MAP1LC3B2: variants seen among roughly 807,000 people sequenced by gnomAD.
MAP1LC3B2 encodes the protein microtubule-associated protein 1 light chain 3 beta 2.
For missense variants in MAP1LC3B2, 155 were observed against 154.6 expected, an observed-to-expected ratio of 1.00 and a Z score of -0.01; for synonymous variants, 62 against 57.8, an observed-to-expected ratio of 1.07 and a Z score of -0.33.
At chr12:116,561,102 G>A (rs900660880) in intron 1 of MAP1LC3B2, among the ~76,000 whole-genome samples, 4 of 152,078 alleles carry the variant, frequency 2.6e-5, no homozygotes, top group African/African-American at 9.7e-5. Flanking sequence ...GGGCAACAGA[G>A]CACGACTCCA....
Position 116,576,263 on chromosome 12 carries a change from A to G in MAP1LC3B2, c.321A>G (p.Gly107=), listed in dbSNP as rs1465308732. 1 of 1,614,144 alleles carries G rather than the reference A, an allele frequency of 6.2e-7. No individual in the cohort carries two copies. Among genetic ancestry groups the G allele is most frequent in the South Asian group, 1.1e-5 (1 of 91,080 alleles). ...ATGAGAGTGAGAAAGATGAAGATGG[A>G]TTCCTGTACATGGTCTGTGCCTCCC... is the stretch of plus-strand genomic sequence containing the variant. ...EVYESEKDED[G]FLYMVCASQE... is the part of the protein sequence containing the mutation. Residue 107 remains glycine, a synonymous_variant, in exon 2 of 2, where the codon GGA becomes GGG. Coordinates refer to ENST00000556529, the MANE Select transcript of MAP1LC3B2 (RefSeq NM_001085481.3).
At chr12:116,559,695 C>A (rs1227932471) in intron 1 of MAP1LC3B2, among the ~76,000 whole-genome samples, 2 of 152,138 alleles carry the variant, frequency 1.3e-5, no homozygotes, top group Non-Finnish European at 2.9e-5. Flanking sequence ...AGGGCAGAGT[C>A]CTTTCCAGAA....
chr12:116,560,139 C>T (rs1226294809), intron 1 of MAP1LC3B2: 2 of 146,866 alleles, frequency 1.4e-5, no homozygotes, highest in Non-Finnish European at 3.0e-5. Flanking sequence ...CTCCTGATCT[C>T]TCTCCACTCC....
chr12:116,563,241 G>A (rs1869313829), intron 1 of MAP1LC3B2, among the ~76,000 whole-genome samples: 1 of 152,194 alleles, frequency 6.6e-6, no homozygotes, highest in Non-Finnish European at 1.5e-5. Context: ...TTACAGGCAT[G>A]AGCCACCACA....
At chr12:116,568,906 G>A (rs1266569016) in intron 1 of MAP1LC3B2, among the ~76,000 whole-genome samples, 1 of 142,476 alleles carries the variant, frequency 7.0e-6, no homozygotes, top group Non-Finnish European at 1.5e-5. Context: ...TGTCTCCCAG[G>A]CTGGAGTGCA....
intron 1 of MAP1LC3B2, among the ~76,000 whole-genome samples, chr12:116,575,180 CAAA>C (rs112848522): frequency 5.1e-5 from 3 of 59,008 alleles, no homozygotes; most frequent in Middle Eastern, 9.8e-3. Context: ...AACTCAGTCT[CAAA>C]AAAAAAAAAA....
chr12:116,566,930 CAAAAAAAAAAAAAAAAAAAAAAAA>C (rs56405000), intron 1 of MAP1LC3B2, among the ~76,000 whole-genome samples: 40 of 26,762 alleles, frequency 1.5e-3, no homozygotes, highest in Admixed American at 0.01. Context: ...GACTCTGTCT[CAAAAAAAAAAAAAAAAAAAAAAAA>C]AAAAAAAAAA....
At chr12:116,575,443 T>C (rs942455144) in intron 1 of MAP1LC3B2, among the ~76,000 whole-genome samples, 1 of 152,162 alleles carries the variant, frequency 6.6e-6, no homozygotes, top group Admixed American at 6.5e-5. Context: ...ATAATTCAAA[T>C]GATCAGTATC....
intron 1 of MAP1LC3B2, chr12:116,560,216 AT>A (rs1566022568): frequency 7.0e-5 from 5 of 70,994 alleles, no homozygotes; most frequent in Non-Finnish European, 1.5e-4. Flanking sequence ...ATATATATAT[AT>A]ATATATATAT....
At chr12:116,572,065 G>T (rs907803331) in intron 1 of MAP1LC3B2, among the ~76,000 whole-genome samples, 1 of 151,662 alleles carries the variant, frequency 6.6e-6, no homozygotes, top group Non-Finnish European at 1.5e-5. Flanking sequence ...AATTTCTGCC[G>T]CTAAGAAAAT....
At chr12:116,563,380 T>C (rs911693744) in intron 1 of MAP1LC3B2, among the ~76,000 whole-genome samples, 2 of 152,236 alleles carry the variant, frequency 1.3e-5, no homozygotes, top group Admixed American at 6.5e-5. Context: ...ACACAGACTT[T>C]TGGTTGACAG....
At chr12:116,571,096 C>T (rs1217981795) in intron 1 of MAP1LC3B2, among the ~76,000 whole-genome samples, 1 of 152,166 alleles carries the variant, frequency 6.6e-6, no homozygotes, top group Non-Finnish European at 1.5e-5. Flanking sequence ...CTTAAAGCTG[C>T]AATTCTGTAA....
At chr12:116,573,621 A>G (rs1249051946) in intron 1 of MAP1LC3B2, among the ~76,000 whole-genome samples, 3 of 152,020 alleles carry the variant, frequency 2.0e-5, no homozygotes. Context: ...GATTCAAGCA[A>G]TTCTCCTGCC....
chr12:116,573,077 C>T (rs1592869414), intron 1 of MAP1LC3B2, among the ~76,000 whole-genome samples: 1 of 152,104 alleles, frequency 6.6e-6, no homozygotes, highest in Non-Finnish European at 1.5e-5. Context: ...GCACGTGCCA[C>T]AATGCCCAGC....
At chr12:116,561,737 C>T (rs59781371) in intron 1 of MAP1LC3B2, among the ~76,000 whole-genome samples, 3,283 of 152,316 alleles carry the variant, frequency 0.022, 109 homozygotes, top group African/African-American at 0.068. Flanking sequence ...GGTATTTACC[C>T]TCCCTGGGCC....
In MAP1LC3B2 at chr12:116,568,639, G is replaced by A. The variant is rs1276474987; in HGVS notation, c.-101-7203G>A. On this transcript the variant is annotated intron_variant, in intron 1 of 1. Coordinates refer to ENST00000556529, the MANE Select transcript of MAP1LC3B2 (RefSeq NM_001085481.3). The stretch of plus-strand genomic sequence containing the variant: ...TGGTATTTGGATGTGGGGCCTTTAG[G>A]AGGTAATTAGGATTAGATAAAGTCA... Among the ~76,000 whole-genome samples the A allele has an allele frequency of 3.9e-5, 6 of 152,134 alleles. No homozygotes were observed. The East Asian group carries it at 1.2e-3, about 29-fold the overall frequency.
At chr12:116,574,273 T>A in intron 1 of MAP1LC3B2, among the ~76,000 whole-genome samples, 1 of 150,712 alleles carries the variant, frequency 6.6e-6, no homozygotes, top group Non-Finnish European at 1.5e-5. Flanking sequence ...GGAAGCAGTC[T>A]GAATGTACAT....
Position 116,563,100 on chromosome 12 carries a change from T to A in MAP1LC3B2, c.-102+3667T>A, listed in dbSNP as rs376749564. ...CCTCAGCCTCTCGAGTAGCTGGGAT[T>A]ACAGGCCTGCACCACCATGCCTGGT... is the stretch of plus-strand genomic sequence containing the variant. On this transcript the variant is annotated intron_variant, in intron 1 of 1. Coordinates refer to ENST00000556529, the MANE Select transcript of MAP1LC3B2 (RefSeq NM_001085481.3). 2.6e-5 allele frequency among the ~76,000 whole-genome samples: 4 copies of A among 152,254 alleles called. No individual in the cohort carries two copies. In the East Asian group the frequency reaches 7.7e-4, roughly 29 times the overall value.
chr12:116,566,072 C>A (rs2136960346), intron 1 of MAP1LC3B2, among the ~76,000 whole-genome samples: 1 of 152,296 alleles, frequency 6.6e-6, no homozygotes, highest in South Asian at 2.1e-4. Flanking sequence ...TAGACAATAA[C>A]AAACTTCTCA....
Sources: gnomAD v4.1 joint callset for allele counts (sites outside exome capture counted in the v4.1 genomes callset) on GRCh38, gnomAD v4.1.1 for gene constraint, MANE v1.5 for transcripts, NCBI Gene and HGNC (gene_info 2026-07-23, HGNC 2026-07-21) for gene names.